EIF3A: variants seen among roughly 807,000 people sequenced by gnomAD.
The protein encoded by EIF3A is EIF3, p180 subunit.
EIF3A carries 21 observed loss-of-function variants against 186.6 expected under a neutral mutation model. The ratio of observed to expected loss-of-function variants is 0.11; its 90% CI spans 0.08 to 0.16. The LOEUF (loss-of-function observed/expected upper bound fraction) is 0.16. Ranked by LOEUF, EIF3A falls within the 10% of genes least tolerant of loss-of-function variation. The probability of loss-of-function intolerance (pLI) is 1.00; values close to 1 mark genes in which losing one functional copy is unlikely to be tolerated. For synonymous variants in EIF3A, 563 were observed against 584.3 expected (o/e 0.96, Z 0.52); for missense variants, 1,306 against 1,796.3 (o/e 0.73, Z 4.93).
intron 12 of EIF3A, 125 bp downstream of exon 12, chr10:119,057,831 C>T (rs888576488): frequency 1.4e-6 from 1 of 737,798 alleles, no homozygotes; most frequent in African/African-American, 1.8e-5. Context: ...CAGATTTAGT[C>T]ATGACCAGCT....
chr10:119,080,565 C>G (rs1844248752), intron 1 of EIF3A, 63 bp downstream of exon 1: 3 of 1,525,732 alleles, frequency 2.0e-6, no homozygotes, highest in Non-Finnish European at 1.8e-6. Flanking sequence ...GAAGCAGGCC[C>G]GCGCTCTCGA....
intron 14 of EIF3A, among the ~76,000 whole-genome samples, chr10:119,053,558 A>T (rs1172158731): frequency 1.4e-3 from 3 of 2,096 alleles, no homozygotes; most frequent in Non-Finnish European, 2.4e-3. Flanking sequence ...CTAAAAATAC[A>T]AAAAAAAAAA....
intron 12 of EIF3A, among the ~76,000 whole-genome samples, chr10:119,057,553 T>C (rs952931546): frequency 1.3e-5 from 2 of 152,154 alleles, no homozygotes; most frequent in Non-Finnish European, 2.9e-5. Context: ...GGCAAGTAGA[T>C]CACTTGAGGT....
rs562995534 is a variant in EIF3A, at chr10:119,044,358, T to C, written c.2659-216A>G. ...TTGTAGGTGGCCTTACAAACCGATA[T>C]AACACTGTGCTGGAAAGCAACCTGG... On this transcript the variant is annotated intron_variant, in intron 17 of 21. Coordinates refer to ENST00000369144, the MANE Select transcript of EIF3A (RefSeq NM_003750.4). 3.9e-5 allele frequency among the ~76,000 whole-genome samples: 6 copies of C among 152,218 alleles called. No individual in the cohort carries two copies. The South Asian group carries it at 6.2e-4, about 16-fold the overall frequency.
At chr10:119,073,663 C>G in intron 2 of EIF3A, 84 bp downstream of exon 2, 2 of 1,560,834 alleles carry the variant, frequency 1.3e-6, no homozygotes, top group Non-Finnish European at 1.7e-6. Flanking sequence ...AAGAGAAATA[C>G]AATATATTCA....
At chr10:119,056,402 C>T (rs1243958647) in intron 14 of EIF3A, among the ~76,000 whole-genome samples, 2 of 152,158 alleles carry the variant, frequency 1.3e-5, no homozygotes, top group African/African-American at 2.4e-5. Context: ...CTTTTTGAGA[C>T]GTGTTTTAAA....
At chr10:119,072,207 TAAAA>T (rs1243808164) in intron 4 of EIF3A, among the ~76,000 whole-genome samples, 8 of 82,498 alleles carry the variant, frequency 9.7e-5, no homozygotes, top group Non-Finnish European at 1.5e-4. Flanking sequence ...AAAAATAAAT[TAAAA>T]AAAAAAAAAA....
At chr10:119,064,877 T>G (rs1435709011) in intron 7 of EIF3A, among the ~76,000 whole-genome samples, 1 of 152,088 alleles carries the variant, frequency 6.6e-6, no homozygotes, top group Non-Finnish European at 1.5e-5. Context: ...CCAGCTAATT[T>G]TTTGTTATTT....
chr10:119,053,043 A>C (rs541576420), intron 14 of EIF3A, among the ~76,000 whole-genome samples: 10 of 152,314 alleles, frequency 6.6e-5, no homozygotes, highest in Admixed American at 2.0e-4. Context: ...TCTCTTATAC[A>C]TCACTGTCAG....
chr10:119,075,651 C>CAT (rs5788328), intron 1 of EIF3A, among the ~76,000 whole-genome samples: 35,982 of 96,736 alleles, frequency 0.37, 6,888 homozygotes, highest in East Asian at 0.48. Flanking sequence ...TATATATATA[C>CAT]ATATATATAT....
At position 119,071,051 on chromosome 10, in the gene EIF3A, A is replaced by G. The variant is rs1844062640; in HGVS notation, c.576T>C (p.Ala192=). The G allele has an allele frequency of 6.2e-7, 1 of 1,614,098 alleles. No individual in the cohort carries two copies. Among genetic ancestry groups the G allele is most frequent in the Non-Finnish European group, 8.5e-7 (1 of 1,180,018 alleles). The part of the protein sequence containing the change: ...FKFCLQYTRK[A]EFRKLCDNLR... Reference sequence around the variant, plus strand: ...AATTGTCACACAGTTTACGGAATTCAGCCTTACGCGTGTATTGGAGGCAGA... The same window carrying G: ...AATTGTCACACAGTTTACGGAATTCGGCCTTACGCGTGTATTGGAGGCAGA... Residue 192 remains alanine (A), a synonymous_variant, in exon 5 of 22, where the codon GCT becomes GCC. Coordinates refer to ENST00000369144, the MANE Select transcript of EIF3A (RefSeq NM_003750.4).
At chr10:119,052,380 G>GTGTGTA (rs1488633148) in intron 14 of EIF3A, among the ~76,000 whole-genome samples, 1 of 149,356 alleles carries the variant, frequency 6.7e-6, no homozygotes, top group East Asian at 2.0e-4. Context: ...GTGTGTGTGT[G>GTGTGTA]TGTGTGTGTG....
In EIF3A at chr10:119,044,026, C is replaced by T. The variant is rs188092854; in HGVS notation, c.2747+28G>A. Reference sequence around the variant, plus strand: ...GATAAGATATTAACAGGAACTGGAGCGGCATTATTTTCCTCAACTCTACTT... The same window carrying T: ...GATAAGATATTAACAGGAACTGGAGTGGCATTATTTTCCTCAACTCTACTT... On this transcript the variant is annotated intron_variant, in intron 18 of 21. Coordinates refer to ENST00000369144, the MANE Select transcript of EIF3A (RefSeq NM_003750.4). 236 of 1,475,626 alleles carry T rather than the reference C, an allele frequency of 1.6e-4. 1 individual carries two copies. The East Asian group carries it at 4.3e-3, about 27-fold the overall frequency. 91.4% of individuals were successfully genotyped at this position (1,475,626 alleles called of 1,614,324 possible). A position where few individuals can be genotyped will look rare whatever the true frequency, so the allele number is the denominator to read the frequency against.
At chr10:119,045,231 C>T (rs1848268236) in intron 17 of EIF3A, among the ~76,000 whole-genome samples, 1 of 152,074 alleles carries the variant, frequency 6.6e-6, no homozygotes, top group Admixed American at 6.6e-5. Flanking sequence ...AGGTGTGAGC[C>T]ACCACGCCTG....
chr10:119,042,107 C>T lies in EIF3A; in HGVS notation c.3413G>A (p.Gly1138Asp). Residue 1138 changes from glycine to aspartate, a missense_variant, in exon 19 of 22, where the codon GGC becomes GAC. By Grantham distance (94) the Gly-to-Asp change is moderately conservative. Transcript: ENST00000369144. The surrounding 1 kb of genome is among the most constrained non-coding windows in gnomAD (Gnocchi z 7.8). ...ATCATCATCCATGTTTCTCCAAGGG[C>T]CCCTGTCATCCTCTGCACCACGCCT... ...IPRRGAEDDR[G>D]PWRNMDDDRL... 4 of 1,614,196 alleles carry T rather than the reference C, an allele frequency of 2.5e-6. No individual in the cohort carries two copies. The highest frequency in any genetic ancestry group is 3.4e-6 in the Non-Finnish European group (4 of 1,180,042).
chr10:119,065,912 C>A (rs184841720), intron 6 of EIF3A, among the ~76,000 whole-genome samples: 1 of 150,770 alleles, frequency 6.6e-6, no homozygotes, highest in Non-Finnish European at 1.5e-5. Context: ...GTCAAGAGAT[C>A]GAGACCATCC....
chr10:119,048,983 C>A (rs528316554), intron 17 of EIF3A, among the ~76,000 whole-genome samples: 1 of 152,258 alleles, frequency 6.6e-6, no homozygotes, highest in African/African-American at 2.4e-5. Flanking sequence ...TGATGTCTTT[C>A]ATGGAACTCA....
In EIF3A at chr10:119,050,561, T is replaced by C. The variant is rs748352891; in HGVS notation, c.2433A>G (p.Glu811=). Reference sequence around the variant, plus strand: ...CTTCTGCCCTTCTCTGCTCCTCCTCTTCTTTTTCTCTATAGTATGTTATCC... The same window carrying C: ...CTTCTGCCCTTCTCTGCTCCTCCTCCTCTTTTTCTCTATAGTATGTTATCC... ...ERRITYYREK[E]EEEQRRAEEQ... is the part of the protein sequence containing the mutation. The change falls in exon 16 of 22, where the codon GAA becomes GAG. Residue 811 remains glutamate (E), a synonymous_variant. Transcript: ENST00000369144. 101 of 1,614,024 alleles carry C rather than the reference T, an allele frequency of 6.3e-5. No homozygotes were observed. The highest frequency in any genetic ancestry group is 1.6e-4 in the Middle Eastern group (1 of 6,084).
At chr10:119,068,520 C>T (rs920255995) in intron 6 of EIF3A, among the ~76,000 whole-genome samples, 2 of 151,528 alleles carry the variant, frequency 1.3e-5, no homozygotes, top group African/African-American at 4.9e-5. Context: ...ACCAAAAATA[C>T]AAAAAATTAG....
Sources: gnomAD v4.1 joint callset for allele counts (sites outside exome capture counted in the v4.1 genomes callset) on GRCh38, gnomAD v4.1.1 for gene constraint, Gnocchi (gnomAD v3.1) non-coding constraint, MANE v1.5 for transcripts, NCBI Gene and HGNC (gene_info 2026-07-23, HGNC 2026-07-21) for gene names.